The following NTNG2 variants were observed in gnomAD, a reference collection of about 807,000 sequenced individuals.
The protein encoded by NTNG2 is netrin G2, also known as netrin-G2.
Under a neutral mutation model 47.6 loss-of-function variants are expected in NTNG2, and 15 were observed. That is an observed-to-expected ratio of 0.32 (90% CI 0.21 to 0.49). NTNG2 has a LOEUF of 0.49. Among genes scored for constraint, NTNG2 ranks in the 20% least tolerant of loss-of-function variants. NTNG2 has a pLI of 0.99. For missense variants in NTNG2, 578 were observed against 764.6 expected (o/e 0.76, Z 2.88); for synonymous variants, 307 against 324.6 (o/e 0.95, Z 0.58).
chr9:132,217,672 G>A (rs1249295363), intron 3 of NTNG2, among the ~76,000 whole-genome samples: 1 of 152,200 alleles, frequency 6.6e-6, no homozygotes, highest in East Asian at 1.9e-4. Flanking sequence ...GCACCTGTTT[G>A]TCTCATGCAA....
intron 6 of NTNG2, chr9:132,240,547 T>C: frequency 2.6e-6 from 1 of 378,624 alleles, no homozygotes; most frequent in Non-Finnish European, 5.0e-6. Context: ...ACATGCTCAG[T>C]GGCCTCTGCT....
In NTNG2 at chr9:132,163,179, C is replaced by T. The variant is rs1835211151; in HGVS notation, c.-484+940C>T. 6.6e-6 allele frequency among the ~76,000 whole-genome samples: 1 copy of T among 152,148 alleles called. No homozygotes were observed. The highest frequency in any genetic ancestry group is 6.5e-5 in the Admixed American group (1 of 15,288). On this transcript the variant is annotated intron_variant, in intron 1 of 7. Coordinates refer to ENST00000393229, the MANE Select transcript of NTNG2 (RefSeq NM_032536.4). The surrounding 1 kb of genome is among the most constrained non-coding windows in gnomAD (Gnocchi z 7.2). ...AATTGCTGCCGTGGCTTGCACGCAACTTTGGGAAGACGAAAAGCAGCTGCG... is the reference window on the plus strand; with the variant it reads ...AATTGCTGCCGTGGCTTGCACGCAATTTTGGGAAGACGAAAAGCAGCTGCG...
chr9:132,230,557 G>A lies in NTNG2; in HGVS notation c.1031-15G>A, dbSNP rs2274855. ...CCCCTGGGGCAGCCAGCTCACGCCC[G>A]TCTCTCTCCCACAGGTGCCACTGCA... On this transcript the variant is annotated splice_polypyrimidine_tract_variant and intron_variant, in intron 4 of 7. Coordinates refer to ENST00000393229, the MANE Select transcript of NTNG2 (RefSeq NM_032536.4). 0.18 allele frequency: 285,129 copies of A among 1,597,504 alleles called. 27,904 individuals are homozygous for A. The highest frequency in any genetic ancestry group is 0.39 in the East Asian group (17,288 of 44,380).
At chr9:132,227,418 T>C (rs1840858485) in intron 4 of NTNG2, among the ~76,000 whole-genome samples, 2 of 152,208 alleles carry the variant, frequency 1.3e-5, no homozygotes, top group Admixed American at 1.3e-4. Flanking sequence ...TTCGCCTTCT[T>C]GACCCTGAAG....
rs1350252858 is a variant in NTNG2 at position 132,231,493 on chromosome 9, G to A, written c.1054+898G>A. The A allele has an allele frequency of 5.6e-6, 2 of 360,358 alleles. No homozygotes were observed. Among genetic ancestry groups the A allele is most frequent in the East Asian group, 8.1e-5 (1 of 12,388 alleles). The allele number at this position is 360,358 out of a possible 1,614,324, so 22.3% of individuals were successfully genotyped here. A position where few individuals can be genotyped will look rare whatever the true frequency, so the allele number is the denominator to read the frequency against. ...TCCCTCCCGGACCCAGGGGGCCCCT[G>A]GCTGGGAAGCCAGTGAGCCGAGAGG... On this transcript the variant is annotated intron_variant, in intron 5 of 7. Coordinates refer to ENST00000393229, the MANE Select transcript of NTNG2 (RefSeq NM_032536.4). This position sits in a 1 kb window ranked among gnomAD's most constrained non-coding sequence, Gnocchi z 4.1.
chr9:132,190,592 A>G (rs144069634), intron 2 of NTNG2, among the ~76,000 whole-genome samples: 4 of 152,256 alleles, frequency 2.6e-5, no homozygotes, highest in African/African-American at 9.6e-5. Context: ...ATTTACCTCC[A>G]TTCTTGCTAA....
chr9:132,206,998 G>A (rs1051936199), intron 3 of NTNG2, among the ~76,000 whole-genome samples: 1 of 152,264 alleles, frequency 6.6e-6, no homozygotes, highest in Non-Finnish European at 1.5e-5. Flanking sequence ...GAGGGCAGGA[G>A]GGGCATCTCG....
At chr9:132,168,663 G>T (rs1835672925) in intron 2 of NTNG2, among the ~76,000 whole-genome samples, 1 of 152,126 alleles carries the variant, frequency 6.6e-6, no homozygotes, top group Non-Finnish European at 1.5e-5. Context: ...AGGGGGCTGG[G>T]CTCTGGAAGC....
chr9:132,171,049 G>A (rs1052350980), intron 2 of NTNG2, among the ~76,000 whole-genome samples: 1 of 152,158 alleles, frequency 6.6e-6, no homozygotes, highest in Non-Finnish European at 1.5e-5. Context: ...TCCTGGGAAT[G>A]GAGGGATGGA....
intron 2 of NTNG2, among the ~76,000 whole-genome samples, chr9:132,175,318 T>A (rs758322098): frequency 9.9e-5 from 15 of 152,112 alleles, no homozygotes; most frequent in Non-Finnish European, 2.1e-4. Context: ...TCGCTAGGGT[T>A]AGGAAGGATT....
Position 132,240,946 on chromosome 9 carries a change from G to T in NTNG2, c.1259G>T (p.Arg420Leu), listed in dbSNP as rs770040093. ...AACCAGATAGGCTCCGTGCACGACC[G>T]GTGCAACGAGACCGGCTTCTGCGAG... ...NCNQIGSVHDRCNETGFCECR... is the reference protein window; with the variant it reads ...NCNQIGSVHDLCNETGFCECR... The change falls in exon 7 of 8, where the codon CGG becomes CTG. Residue 420 changes from arginine (R) to leucine (L), a missense_variant. Coordinates refer to ENST00000393229, the MANE Select transcript of NTNG2 (RefSeq NM_032536.4). 3.7e-6 allele frequency: 6 copies of T among 1,612,646 alleles called. No homozygotes were observed. In the South Asian group the frequency reaches 6.6e-5, roughly 18 times the overall value.
chr9:132,181,298 G>T (rs1402728945), intron 2 of NTNG2, among the ~76,000 whole-genome samples: 1 of 149,538 alleles, frequency 6.7e-6, no homozygotes, highest in African/African-American at 2.5e-5. Flanking sequence ...GCCCAGGCTG[G>T]TCTTAAACTC....
intron 2 of NTNG2, among the ~76,000 whole-genome samples, chr9:132,188,053 C>T (rs557368388): frequency 6.6e-6 from 1 of 152,384 alleles, no homozygotes; most frequent in South Asian, 2.1e-4. Context: ...GATTTATGCA[C>T]CTGCCCAAGC....
chr9:132,185,438 T>A (rs981224144), intron 2 of NTNG2, among the ~76,000 whole-genome samples: 1 of 152,142 alleles, frequency 6.6e-6, no homozygotes, highest in African/African-American at 2.4e-5. Context: ...CACAGCCACT[T>A]TTTTCCTCCC....
At chr9:132,169,473 C>T (rs1365934639) in intron 2 of NTNG2, among the ~76,000 whole-genome samples, 9 of 152,162 alleles carry the variant, frequency 5.9e-5, no homozygotes, top group East Asian at 3.9e-4. Context: ...TGGGAGGGTC[C>T]GGGCAGTAGG....
chr9:132,174,143 G>A (rs111814862), intron 2 of NTNG2, among the ~76,000 whole-genome samples: 1,538 of 145,886 alleles, frequency 0.011, 46 homozygotes, highest in African/African-American at 0.038. Flanking sequence ...TAGGCAGGCC[G>A]CACCATGCTG....
Position 132,229,426 on chromosome 9 carries a change from TCAGCCCTGCAGCAG to T in NTNG2, c.1031-1144_1031-1131del, listed in dbSNP as rs1841031920. On this transcript the variant is annotated intron_variant, in intron 4 of 7. Transcript: ENST00000393229. ...CTCCAAGTCTCTCCCAATGCCATCCTCAGCCCTGCAGCAGCCCTCACTCCCGATGCCTTCCCACC... is the reference window on the plus strand; with the variant it reads ...CTCCAAGTCTCTCCCAATGCCATCCTCCCTCACTCCCGATGCCTTCCCACC... 2.0e-5 allele frequency among the ~76,000 whole-genome samples: 3 copies of T among 152,048 alleles called. No homozygotes were observed. In the South Asian group the frequency reaches 6.2e-4, roughly 32 times the overall value.
At chr9:132,162,050 CT>C (rs1360395693), upstream of NTNG2, 1 of 150,090 alleles carries the variant, frequency 6.7e-6, no homozygotes, top group Non-Finnish European at 1.5e-5. This position sits in a 1 kb window ranked among gnomAD's most constrained non-coding sequence, Gnocchi z 4.6. Flanking sequence ...GGAGGGCTCC[CT>C]GGCCCCGATC....
At position 132,182,224 on chromosome 9, in the gene NTNG2, C is replaced by T. The variant is rs1196789018; in HGVS notation, c.213+15180C>T. Among the ~76,000 whole-genome samples, 3 of 152,236 alleles carry T rather than the reference C, an allele frequency of 2.0e-5. No individual in the cohort carries two copies. Among genetic ancestry groups the T allele is most frequent in the East Asian group, 1.9e-4 (1 of 5,206 alleles). On this transcript the variant is annotated intron_variant, in intron 2 of 7. Transcript: ENST00000393229. This position sits in a 1 kb window ranked among gnomAD's most constrained non-coding sequence, Gnocchi z 4.2. ...GGCGAGATGGCTTTGCCTGGAGGAA[C>T]CTGATTGTTTTTCTGGGGAAGGAGT...
Sources: allele counts gnomAD v4.1 joint callset (sites outside exome capture counted in the v4.1 genomes callset), GRCh38; gene constraint gnomAD v4.1.1; non-coding constraint Gnocchi (gnomAD v3.1); transcripts MANE v1.5; gene names NCBI Gene and HGNC (gene_info 2026-07-23, HGNC 2026-07-21).